NTM: variants seen among roughly 807,000 people sequenced by gnomAD.
The protein encoded by NTM is neurotrimin, also known as IgLON family member 2.
A neutral mutation model predicts 42.1 loss-of-function variants in NTM; 13 were observed. The observed-to-expected ratio is 0.31, with a 90% CI of 0.20 to 0.49. The LOEUF (loss-of-function observed/expected upper bound fraction) is 0.49, where lower values mean the gene tolerates loss of function less well. Ranked by LOEUF, NTM falls within the 20% of genes least tolerant of loss-of-function variation. The pLI, the probability that NTM is intolerant of heterozygous loss-of-function variation, is 0.99. For synonymous variants in NTM, 187 were observed against 179.2 expected (o/e 1.04, Z -0.35); for missense variants, 373 against 452.8 (o/e 0.82, Z 1.60).
At chr11:131,966,381 A>G (rs1403118121) in intron 2 of NTM, among the ~76,000 whole-genome samples, 1 of 152,210 alleles carries the variant, frequency 6.6e-6, no homozygotes, top group Admixed American at 6.5e-5. Context: ...AGAGACAGAC[A>G]ATAAACATAA....
chr11:131,910,575 G>C (rs2054636766), intron 1 of NTM, among the ~76,000 whole-genome samples: 1 of 151,172 alleles, frequency 6.6e-6, no homozygotes, highest in Admixed American at 6.6e-5. Flanking sequence ...GGATGGAGCT[G>C]CTGCCATGAC....
At chr11:132,118,740 C>T (rs940557683) in intron 2 of NTM, among the ~76,000 whole-genome samples, 6 of 152,136 alleles carry the variant, frequency 3.9e-5, no homozygotes, top group Non-Finnish European at 7.3e-5. Context: ...TGTTCCCTTA[C>T]GTATTCAAAT....
intron 1 of NTM, among the ~76,000 whole-genome samples, chr11:131,552,256 G>A (rs1253978119): frequency 2.6e-5 from 4 of 152,168 alleles, no homozygotes; most frequent in East Asian, 3.9e-4. Flanking sequence ...GTCATGTCAT[G>A]GTAAGTATCA....
intron 6 of NTM, among the ~76,000 whole-genome samples, chr11:132,311,068 G>T (rs1169792299): frequency 1.3e-5 from 2 of 152,154 alleles, no homozygotes; most frequent in Non-Finnish European, 2.9e-5. Context: ...AGGAGTGGGG[G>T]AGGCCAGGAG....
In NTM at chr11:132,154,945, CAG is replaced by C. The variant is rs572505898; in HGVS notation, c.400+8432_400+8433del. ...GAGAAAGAATTTATTGATGCAAAAT[CAG>C]GGCAGTTTAATTTGGTGGCATGTTT... is the stretch of plus-strand genomic sequence containing the variant. On this transcript the variant is annotated intron_variant, in intron 3 of 8. Coordinates refer to ENST00000683400, the MANE Select transcript of NTM (RefSeq NM_001352005.2). Among the ~76,000 whole-genome samples, 55 of 152,274 alleles carry C rather than the reference CAG, an allele frequency of 3.6e-4. No homozygotes were observed. In the Middle Eastern group the frequency reaches 0.01, roughly 28 times the overall value.
intron 1 of NTM, among the ~76,000 whole-genome samples, chr11:131,586,273 T>C (rs1036345308): frequency 2.0e-5 from 3 of 152,146 alleles, no homozygotes; most frequent in African/African-American, 7.2e-5. Context: ...AGTCTTACTA[T>C]GTAGCCTCAT....
At chr11:131,813,000 A>C (rs1293279081) in intron 1 of NTM, among the ~76,000 whole-genome samples, 1 of 152,152 alleles carries the variant, frequency 6.6e-6, no homozygotes, top group Non-Finnish European at 1.5e-5. Flanking sequence ...TTTTTATGAC[A>C]ACGTTTCAGT....
rs553070291 is a variant in NTM at position 131,461,005 on chromosome 11, T to C, written c.82+90117T>C. ...TGAGCTTTCTTAAGCTTGTGCACAG[T>C]CAGAACAATCAGTACAAAATATTTG... On this transcript the variant is annotated intron_variant, in intron 1 of 8. Coordinates refer to ENST00000683400, the MANE Select transcript of NTM (RefSeq NM_001352005.2). Among the ~76,000 whole-genome samples the C allele has an allele frequency of 3.9e-5, 6 of 152,356 alleles. No homozygotes were observed. The East Asian group carries it at 1.2e-3, about 29-fold the overall frequency.
intron 1 of NTM, among the ~76,000 whole-genome samples, chr11:131,439,930 C>T (rs1243691678): frequency 6.6e-5 from 9 of 135,488 alleles, no homozygotes; most frequent in East Asian, 2.4e-4. Context: ...TGTTCCTATT[C>T]GGCCATCTTA....
At position 132,207,801 on chromosome 11, in the gene NTM, C is replaced by T. The variant is rs181287306; in HGVS notation, c.401-4221C>T. On this transcript the variant is annotated intron_variant, in intron 3 of 8. Coordinates refer to ENST00000683400, the MANE Select transcript of NTM (RefSeq NM_001352005.2). The stretch of plus-strand genomic sequence containing the variant: ...ACTTACTCCTAGGGCTTAACTTAGG[C>T]ATCACATATCTAAGAAGCCTCTTGT... Among the ~76,000 whole-genome samples, 17 of 152,332 alleles carry T rather than the reference C, an allele frequency of 1.1e-4. No homozygotes were observed. The East Asian group carries it at 3.3e-3, about 29-fold the overall frequency.
rs74825023 is a variant in NTM, at chr11:132,143,905, C to T, written c.168-2377C>T. On this transcript the variant is annotated intron_variant, in intron 2 of 8. Transcript: ENST00000683400. ...GTAGTAAGAGAGGTGCACCCTCTAT[C>T]GACTGTAGTTTTCTCCTTCTTGCTC... 2.8e-3 allele frequency among the ~76,000 whole-genome samples: 433 copies of T among 152,256 alleles called. 2 individuals carry two copies. The highest frequency in any genetic ancestry group is 9.3e-3 in the African/African-American group (387 of 41,534).
chr11:131,977,411 T>C (rs1193886842), intron 2 of NTM, among the ~76,000 whole-genome samples: 1 of 152,228 alleles, frequency 6.6e-6, no homozygotes, highest in East Asian at 1.9e-4. Context: ...TAGCTCTGTA[T>C]GTTTTAACTG....
chr11:131,400,631 T>C (rs958118229), intron 1 of NTM, among the ~76,000 whole-genome samples: 7 of 152,186 alleles, frequency 4.6e-5, no homozygotes, highest in African/African-American at 1.4e-4. Context: ...TGGAACACAT[T>C]GTTACCTCCT....
chr11:132,146,355 A>C lies in NTM; in HGVS notation c.241A>C (p.Lys81Gln). Residue 81 changes from lysine to glutamine, a missense_variant, in exon 3 of 9, where the codon AAG becomes CAG. Transcript: ENST00000683400. This position sits in a 1 kb window ranked among gnomAD's most constrained non-coding sequence, Gnocchi z 4.5. ...CACCATCCTCTATGCTGGGAATGAC[A>C]AGTGGTGCCTGGATCCTCGCGTGGT... is the stretch of plus-strand genomic sequence containing the variant. ...RSTILYAGNDKWCLDPRVVLL... is the reference protein window; with the variant it reads ...RSTILYAGNDQWCLDPRVVLL... 1 of 1,614,208 alleles carries C rather than the reference A, an allele frequency of 6.2e-7. No individual in the cohort carries two copies. The highest frequency in any genetic ancestry group is 8.5e-7 in the Non-Finnish European group (1 of 1,180,042).
rs112247843 is a variant in NTM at position 132,055,683 on chromosome 11, CAGAGAG to C, written c.168-90587_168-90582del. On this transcript the variant is annotated intron_variant, in intron 2 of 8. Coordinates refer to ENST00000683400, the MANE Select transcript of NTM (RefSeq NM_001352005.2). ...AGAGAGCGAGAGTGAGAGAGAGAGA[CAGAGAG>C]AGAGAGAGAGAACCATCAAAGCAGT... Among the ~76,000 whole-genome samples, 11 of 150,694 alleles carry C rather than the reference CAGAGAG, an allele frequency of 7.3e-5. No individual in the cohort carries two copies. The East Asian group carries it at 1.2e-3, about 16-fold the overall frequency.
At chr11:132,259,806 A>G (rs1258692708) in intron 4 of NTM, among the ~76,000 whole-genome samples, 2 of 151,702 alleles carry the variant, frequency 1.3e-5, no homozygotes, top group Non-Finnish European at 2.9e-5. Context: ...CTGTAGTGCA[A>G]TGGTGTGAGC....
At chr11:131,817,703 C>G (rs909131485) in intron 1 of NTM, among the ~76,000 whole-genome samples, 4 of 152,226 alleles carry the variant, frequency 2.6e-5, no homozygotes, top group Non-Finnish European at 5.9e-5. Flanking sequence ...TCCCTCTGCT[C>G]CACCTCCTTC....
At chr11:131,384,478 C>T (rs930123643) in intron 1 of NTM, among the ~76,000 whole-genome samples, 6 of 151,774 alleles carry the variant, frequency 4.0e-5, no homozygotes, top group African/African-American at 7.3e-5. Flanking sequence ...TTTTGTGGGG[C>T]GGAACAATGG....
intron 3 of NTM, among the ~76,000 whole-genome samples, chr11:132,149,821 A>T (rs914524600): frequency 6.6e-6 from 1 of 152,170 alleles, no homozygotes; most frequent in African/African-American, 2.4e-5. Context: ...GAGACAAGAG[A>T]ACTGAGCCAA....
Sources: allele counts gnomAD v4.1 joint callset (sites outside exome capture counted in the v4.1 genomes callset), GRCh38; gene constraint gnomAD v4.1.1; non-coding constraint Gnocchi (gnomAD v3.1); transcripts MANE v1.5; gene names NCBI Gene and HGNC (gene_info 2026-07-23, HGNC 2026-07-21).